TEX2: variants seen among roughly 807,000 people sequenced by gnomAD.
TEX2 encodes testis-expressed protein 2.
Under a neutral mutation model 106.9 loss-of-function variants are expected in TEX2, and 53 were observed. The ratio of observed to expected loss-of-function variants is 0.50; its 90% CI spans 0.40 to 0.62. The LOEUF (loss-of-function observed/expected upper bound fraction) is 0.62, where lower values mean the gene tolerates loss of function less well. TEX2 is among the 20% of genes least tolerant of loss of function. The probability of loss-of-function intolerance (pLI) is 0.00; values close to 1 mark genes in which losing one functional copy is unlikely to be tolerated. For synonymous variants in TEX2, 523 were observed against 534.8 expected, an observed-to-expected ratio of 0.98 and a Z score of 0.30; for missense variants, 1,207 against 1,379.0, an observed-to-expected ratio of 0.88 and a Z score of 1.98.
intron 6 of TEX2, among the ~76,000 whole-genome samples, chr17:64,173,523 T>G (rs2031497119): frequency 1.3e-5 from 2 of 152,208 alleles, no homozygotes; most frequent in Non-Finnish European, 2.9e-5. Flanking sequence ...ATGTAATCTC[T>G]GATTTTTTGT....
At chr17:64,208,789 T>C (rs534986645) in intron 2 of TEX2, among the ~76,000 whole-genome samples, 2 of 152,104 alleles carry the variant, frequency 1.3e-5, no homozygotes, top group African/African-American at 4.8e-5. Context: ...CATACCTGGC[T>C]AATTATTTTA....
At chr17:64,243,119 G>T (rs1239788744) in intron 1 of TEX2, among the ~76,000 whole-genome samples, 1 of 151,490 alleles carries the variant, frequency 6.6e-6, no homozygotes, top group Non-Finnish European at 1.5e-5. Flanking sequence ...AGTAGAGACG[G>T]GATTTCACCA....
chr17:64,243,100 T>C (rs551859886), intron 1 of TEX2, among the ~76,000 whole-genome samples: 2 of 152,192 alleles, frequency 1.3e-5, no homozygotes, highest in South Asian at 4.2e-4. Context: ...GGCTAATTTT[T>C]GTATTTTTAG....
chr17:64,170,620 A>ATTTTTT (rs1438812052), intron 7 of TEX2, among the ~76,000 whole-genome samples: 44 of 56,482 alleles, frequency 7.8e-4, no homozygotes, highest in Non-Finnish European at 1.1e-3. Flanking sequence ...TCTATTCCAA[A>ATTTTTT]TCTTTTTTTT....
chr17:64,179,207 A>G (rs1219196718), intron 5 of TEX2, among the ~76,000 whole-genome samples: 2 of 152,240 alleles, frequency 1.3e-5, no homozygotes, highest in African/African-American at 4.8e-5. Context: ...TGTAGCTAGC[A>G]AAAGGATTGT....
At chr17:64,159,129 G>C (rs2030767833) in intron 8 of TEX2, among the ~76,000 whole-genome samples, 1 of 152,154 alleles carries the variant, frequency 6.6e-6, no homozygotes, top group Non-Finnish European at 1.5e-5. Context: ...GAATAGCAGT[G>C]AATGTGGACG....
chr17:64,179,967 T>C (rs2031788104), intron 5 of TEX2, among the ~76,000 whole-genome samples: 2 of 152,234 alleles, frequency 1.3e-5, no homozygotes, highest in South Asian at 4.1e-4. Flanking sequence ...CGGTGAATGC[T>C]TGGCCATGCC....
At chr17:64,208,112 G>T (rs1308399620) in intron 2 of TEX2, among the ~76,000 whole-genome samples, 2 of 152,148 alleles carry the variant, frequency 1.3e-5, no homozygotes, top group Admixed American at 1.3e-4. Context: ...GAGCAGACTT[G>T]GGTCACCAGT....
chr17:64,225,024 A>C (rs1286781835), intron 1 of TEX2, among the ~76,000 whole-genome samples: 4 of 152,180 alleles, frequency 2.6e-5, no homozygotes, highest in African/African-American at 7.2e-5. Flanking sequence ...AAACCCTAGA[A>C]TAAGTAATGA....
rs1367794548 is a variant in TEX2 at position 64,205,590 on chromosome 17, G to T, written c.1644+6984C>A. 1.3e-5 allele frequency among the ~76,000 whole-genome samples: 2 copies of T among 152,040 alleles called. No individual in the cohort carries two copies. Among genetic ancestry groups the T allele is most frequent in the Non-Finnish European group, 2.9e-5 (2 of 67,994 alleles). On this transcript the variant is annotated intron_variant, in intron 2 of 11. Coordinates refer to ENST00000584379, the MANE Select transcript of TEX2 (RefSeq NM_001288732.2). This position sits in a 1 kb window ranked among gnomAD's most constrained non-coding sequence, Gnocchi z 4.0. ...ACTTGCTTACTCTAATTTCTTGAAAGAATTTCAACAAATTGAGATTAAATT... is the reference window on the plus strand; with the variant it reads ...ACTTGCTTACTCTAATTTCTTGAAATAATTTCAACAAATTGAGATTAAATT...
intron 5 of TEX2, among the ~76,000 whole-genome samples, chr17:64,184,952 T>C (rs2032020954): frequency 6.6e-6 from 1 of 152,242 alleles, no homozygotes. Flanking sequence ...AAAAACATTT[T>C]CCAATTCAAC....
intron 1 of TEX2, among the ~76,000 whole-genome samples, chr17:64,240,862 TACTCTGGG>T (rs2033874720): frequency 6.6e-6 from 1 of 152,302 alleles, no homozygotes; most frequent in South Asian, 2.1e-4. Context: ...ATTATTAATG[TACTCTGGG>T]ACTCTGGAGT....
At chr17:64,203,978 A>T (rs1314164327) in intron 2 of TEX2, among the ~76,000 whole-genome samples, 1 of 152,252 alleles carries the variant, frequency 6.6e-6, no homozygotes, top group Non-Finnish European at 1.5e-5. Flanking sequence ...ACAGTAATAG[A>T]ATAGGAGATA....
chr17:64,150,808 G>A, intron 11 of TEX2, 33 bp downstream of exon 11: 4 of 1,590,710 alleles, frequency 2.5e-6, no homozygotes, highest in Non-Finnish European at 3.4e-6. Flanking sequence ...TTCTATACTT[G>A]GTGTGAAATA....
At chr17:64,210,490 G>A (rs532431923) in intron 2 of TEX2, among the ~76,000 whole-genome samples, 1 of 152,106 alleles carries the variant, frequency 6.6e-6, no homozygotes, top group East Asian at 1.9e-4. Context: ...CCTTCCACTA[G>A]TGTGATCAAA....
chr17:64,231,133 C>G (rs1208953622), intron 1 of TEX2, among the ~76,000 whole-genome samples: 3 of 152,218 alleles, frequency 2.0e-5, no homozygotes, highest in African/African-American at 7.2e-5. Context: ...CACCAGAGGA[C>G]AGGCATCAAC....
chr17:64,203,172 G>C (rs2032724228), intron 2 of TEX2, among the ~76,000 whole-genome samples: 2 of 152,222 alleles, frequency 1.3e-5, no homozygotes, highest in African/African-American at 4.8e-5. Context: ...GAGCTGACCA[G>C]AGAAAAGTGC....
In TEX2 at chr17:64,151,062, T is replaced by C. The variant is rs2030329283; in HGVS notation, c.3141-101A>G. The C allele has an allele frequency of 8.4e-6, 11 of 1,314,462 alleles. No homozygotes were observed. The Admixed American group carries it at 2.5e-4, about 30-fold the overall frequency. 81.4% of individuals were successfully genotyped at this position (1,314,462 alleles called of 1,614,324 possible). On this transcript the variant is annotated intron_variant, in intron 10 of 11. Transcript: ENST00000584379. Reference sequence around the variant, plus strand: ...CATTTACATGGGGCTTTATCACTACTTAAAATGTTATTTTCTTCTGAAAAT... The same window carrying C: ...CATTTACATGGGGCTTTATCACTACCTAAAATGTTATTTTCTTCTGAAAAT...
intron 2 of TEX2, among the ~76,000 whole-genome samples, chr17:64,199,628 T>C (rs1232030836): frequency 4.6e-5 from 7 of 152,260 alleles, no homozygotes; most frequent in African/African-American, 1.4e-4. Flanking sequence ...TTTAAATTCA[T>C]ATCAAAATTA....
Sources: allele counts gnomAD v4.1 joint callset (sites outside exome capture counted in the v4.1 genomes callset), GRCh38; gene constraint gnomAD v4.1.1; non-coding constraint Gnocchi (gnomAD v3.1); transcripts MANE v1.5; gene names NCBI Gene and HGNC (gene_info 2026-07-23, HGNC 2026-07-21).